ARNT: variants seen among roughly 807,000 people sequenced by gnomAD.
ARNT encodes the protein aryl hydrocarbon receptor nuclear translocator.
In ARNT, 30 loss-of-function variants were observed where a neutral mutation model predicts 105.0. The observed-to-expected ratio is 0.29, with a 90% CI of 0.21 to 0.39. The LOEUF (loss-of-function observed/expected upper bound fraction) is 0.39. Ranked by LOEUF, ARNT falls within the 10% of genes least tolerant of loss-of-function variation. The pLI is 1.00. For synonymous variants in ARNT, 304 were observed against 344.0 expected, an observed-to-expected ratio of 0.88 and a Z score of 1.29; for missense variants, 748 against 978.7, an observed-to-expected ratio of 0.76 and a Z score of 3.15.
intron 1 of ARNT, among the ~76,000 whole-genome samples, chr1:150,873,846 G>A (rs1283455293): frequency 6.6e-6 from 1 of 151,960 alleles, no homozygotes; most frequent in African/African-American, 2.4e-5. Context: ...CTTGAGCTCA[G>A]GAGTTCAAGG....
chr1:150,813,976 A>C, intron 20 of ARNT, 101 bp downstream of exon 20: 6 of 1,404,948 alleles, frequency 4.3e-6, no homozygotes, highest in Non-Finnish European at 5.8e-6. Context: ...CCCTACAATC[A>C]GGTCAGTGTA....
At chr1:150,813,487 C>T in intron 20 of ARNT, 149 bp from the exon 21 acceptor site, 3 of 800,728 alleles carry the variant, frequency 3.7e-6, no homozygotes, top group Admixed American at 3.6e-5. Flanking sequence ...TTTTCTATCT[C>T]AAAACTCAGC....
At chr1:150,871,294 GT>G (rs754698911) in intron 1 of ARNT, among the ~76,000 whole-genome samples, 24,832 of 94,858 alleles carry the variant, frequency 0.26, 2,478 homozygotes, top group South Asian at 0.37. Context: ...GGCAGTCGTG[GT>G]TTTTTTTTTT....
At chr1:150,841,331 G>T (rs949610885) in intron 5 of ARNT, among the ~76,000 whole-genome samples, 2 of 151,618 alleles carry the variant, frequency 1.3e-5, no homozygotes, top group African/African-American at 4.8e-5. Context: ...AAAAAAGAAA[G>T]TAAGAAAATT....
intron 1 of ARNT, among the ~76,000 whole-genome samples, chr1:150,866,795 A>C (rs952950636): frequency 2.6e-5 from 4 of 152,360 alleles, no homozygotes; most frequent in African/African-American, 7.2e-5. Flanking sequence ...ATAGTTCCTT[A>C]GCCTGGGGAA....
intron 1 of ARNT, among the ~76,000 whole-genome samples, chr1:150,867,679 T>C (rs1180703069): frequency 1.3e-5 from 2 of 152,170 alleles, no homozygotes; most frequent in African/African-American, 4.8e-5. Context: ...CCAAATATCA[T>C]GTCAAATTGT....
Position 150,818,034 on chromosome 1 carries a change from G to C in ARNT, c.1395-4C>G, listed in dbSNP as rs1351001679. On this transcript the variant is annotated splice_region_variant and splice_polypyrimidine_tract_variant and intron_variant, in intron 14 of 21. Coordinates refer to ENST00000358595, the MANE Select transcript of ARNT (RefSeq NM_001668.4). The stretch of plus-strand genomic sequence containing the variant: ...CCGTGGTTCTTGGCTAGAGTTCCTA[G>C]GAAACCAGAGTAGACAGTAAAGAGG... 26 of 1,598,580 alleles carry C rather than the reference G, an allele frequency of 1.6e-5. No individual in the cohort carries two copies. The highest frequency in any genetic ancestry group is 2.1e-5 in the Non-Finnish European group (24 of 1,169,724).
At chr1:150,847,425 C>CA (rs587697329) in intron 3 of ARNT, among the ~76,000 whole-genome samples, 56,637 of 91,886 alleles carry the variant, frequency 0.62, 18,404 homozygotes, top group African/African-American at 0.66. Flanking sequence ...GACTCCGTCT[C>CA]AAAAAAAAAA....
At chr1:150,829,063 T>C in intron 12 of ARNT, 30 bp downstream of exon 12, 1 of 1,610,206 alleles carries the variant, frequency 6.2e-7, no homozygotes, top group Non-Finnish European at 8.5e-7. Flanking sequence ...CAAAGGAAAA[T>C]GGAGGCCTAA....
At chr1:150,817,668 G>T (rs587623964) in intron 15 of ARNT, among the ~76,000 whole-genome samples, 1 of 152,108 alleles carries the variant, frequency 6.6e-6, no homozygotes, top group South Asian at 2.1e-4. Context: ...AATTAGCCGG[G>T]GGTGGTGGCA....
chr1:150,842,528 G>A (rs1661475827), intron 4 of ARNT, 60 bp from the exon 5 acceptor site: 3 of 1,500,246 alleles, frequency 2.0e-6, no homozygotes, highest in African/African-American at 1.4e-5. Flanking sequence ...AAGGAAGGGG[G>A]GAGGGAGGAA....
At chr1:150,853,280 T>C in intron 2 of ARNT, 1 of 372,316 alleles carries the variant, frequency 2.7e-6, no homozygotes, top group Non-Finnish European at 5.3e-6. Context: ...AGACTCCATC[T>C]CAAAAAAAAA....
intron 19 of ARNT, among the ~76,000 whole-genome samples, chr1:150,815,733 C>A (rs72704634): frequency 1.6e-4 from 23 of 146,276 alleles, no homozygotes; most frequent in African/African-American, 5.8e-4. Flanking sequence ...CAGTGGCGGG[C>A]GCCTGTACAA....
chr1:150,812,194 T>G, intron 21 of ARNT, 84 bp from the exon 22 acceptor site: 1 of 996,486 alleles, frequency 1.0e-6, no homozygotes, highest in Non-Finnish European at 1.4e-6. Flanking sequence ...TCCCCTGCAC[T>G]ACCATCCCTG....
chr1:150,823,908 T>A (rs1657652610), intron 13 of ARNT, among the ~76,000 whole-genome samples: 1 of 149,680 alleles, frequency 6.7e-6, no homozygotes, highest in Non-Finnish European at 1.5e-5. Context: ...AGTGGCGCAA[T>A]CTCGGCTCAC....
At chr1:150,863,753 G>A in intron 1 of ARNT, among the ~76,000 whole-genome samples, 2 of 151,274 alleles carry the variant, frequency 1.3e-5, no homozygotes, top group East Asian at 2.0e-4. Flanking sequence ...GGAGGCAGAG[G>A]TTGCAGTGAG....
chr1:150,852,700 T>C, intron 3 of ARNT, 62 bp downstream of exon 3: 3 of 1,483,130 alleles, frequency 2.0e-6, no homozygotes, highest in South Asian at 2.3e-5. Flanking sequence ...AAGTCAGAAG[T>C]ATAAAGATCA....
At chr1:150,874,508 G>C (rs587728639) in intron 1 of ARNT, among the ~76,000 whole-genome samples, 2 of 152,048 alleles carry the variant, frequency 1.3e-5, no homozygotes, top group African/African-American at 2.4e-5. Context: ...ACATAGCAAG[G>C]CATCTGTCTC....
chr1:150,841,142 C>T (rs988488113), intron 5 of ARNT, among the ~76,000 whole-genome samples: 8 of 149,756 alleles, frequency 5.3e-5, no homozygotes, highest in Non-Finnish European at 7.4e-5. Context: ...AGTAGAGACG[C>T]GGTTTCACCA....
Sources: gnomAD v4.1 joint callset for allele counts (sites outside exome capture counted in the v4.1 genomes callset) on GRCh38, gnomAD v4.1.1 for gene constraint, MANE v1.5 for transcripts, NCBI Gene and HGNC (gene_info 2026-07-23, HGNC 2026-07-21) for gene names.